Variants in PDE10A observed in about 807,000 individuals in gnomAD.
The protein encoded by PDE10A is cAMP and cAMP-inhibited cGMP 3',5'-cyclic phosphodiesterase 10A.
In PDE10A, 39 loss-of-function variants were observed where a neutral mutation model predicts 97.7. The observed-to-expected ratio is 0.40, with a 90% CI of 0.31 to 0.52. The LOEUF (loss-of-function observed/expected upper bound fraction) is 0.52. Among genes scored for constraint, PDE10A ranks in the 20% least tolerant of loss-of-function variants. The probability of loss-of-function intolerance (pLI) is 0.56; values close to 1 mark genes in which losing one functional copy is unlikely to be tolerated. For synonymous variants in PDE10A, 371 were observed against 376.8 expected (o/e 0.98, Z 0.18); for missense variants, 731 against 1,047.8 (o/e 0.70, Z 4.17).
intron 2 of PDE10A, among the ~76,000 whole-genome samples, chr6:165,506,909 C>T (rs967237139): frequency 1.3e-5 from 2 of 152,094 alleles, no homozygotes; most frequent in South Asian, 2.1e-4. Context: ...GTCTTTGTCC[C>T]GGAAGCACAG....
At chr6:165,490,385 A>C (rs942667981) in intron 2 of PDE10A, among the ~76,000 whole-genome samples, 2 of 152,206 alleles carry the variant, frequency 1.3e-5, no homozygotes, top group African/African-American at 4.8e-5. Context: ...TTTTTCAGAC[A>C]AACAAATGCC....
intron 1 of PDE10A, among the ~76,000 whole-genome samples, chr6:165,640,398 A>C (rs1195718547): frequency 1.3e-5 from 2 of 152,226 alleles, no homozygotes; most frequent in Non-Finnish European, 2.9e-5. Flanking sequence ...TGGTCTGCAA[A>C]GTTTAAAAGT....
intron 1 of PDE10A, among the ~76,000 whole-genome samples, chr6:165,966,896 G>C (rs939009959): frequency 4.0e-5 from 6 of 150,508 alleles, no homozygotes; most frequent in Non-Finnish European, 8.9e-5. Context: ...AAAATAAATA[G>C]ATGAAAAAAT....
chr6:165,555,601 C>A (rs1383090436), intron 1 of PDE10A, among the ~76,000 whole-genome samples: 1 of 152,146 alleles, frequency 6.6e-6, no homozygotes, highest in Non-Finnish European at 1.5e-5. Context: ...ATAATAAAAT[C>A]TCTATTTACC....
chr6:165,915,487 A>G (rs948750756), intron 1 of PDE10A, among the ~76,000 whole-genome samples: 15 of 152,216 alleles, frequency 9.9e-5, no homozygotes, highest in African/African-American at 3.6e-4. Flanking sequence ...GCCACAGTGC[A>G]GCCCACGGTC....
intron 1 of PDE10A, among the ~76,000 whole-genome samples, chr6:165,743,168 G>A (rs909733203): frequency 6.6e-6 from 1 of 152,042 alleles, no homozygotes; most frequent in Non-Finnish European, 1.5e-5. Context: ...TAGGCCTTAG[G>A]GAGGAAGTCC....
chr6:165,626,711 C>T (rs915414319), intron 1 of PDE10A, among the ~76,000 whole-genome samples: 21 of 151,670 alleles, frequency 1.4e-4, no homozygotes, highest in Admixed American at 4.6e-4. Flanking sequence ...TGGTGCGGCT[C>T]ACTTTCACTC....
chr6:165,528,228 G>T (rs1010310946), intron 2 of PDE10A, among the ~76,000 whole-genome samples: 1 of 137,088 alleles, frequency 7.3e-6, no homozygotes, highest in African/African-American at 2.5e-5. Context: ...ATATTTGTAT[G>T]CCACGTGAGT....
At chr6:165,652,497 T>G (rs1789734242) in intron 1 of PDE10A, among the ~76,000 whole-genome samples, 2 of 152,180 alleles carry the variant, frequency 1.3e-5, no homozygotes, top group Non-Finnish European at 2.9e-5. Context: ...TTCAAGCCCT[T>G]TTGGATAACA....
intron 1 of PDE10A, among the ~76,000 whole-genome samples, chr6:165,758,435 G>A (rs1282280446): frequency 2.0e-5 from 3 of 151,718 alleles, no homozygotes; most frequent in African/African-American, 4.8e-5. Flanking sequence ...CACTCCAGCC[G>A]GGGTGACAAA....
At chr6:165,417,664 A>G (rs1007221298) in intron 11 of PDE10A, among the ~76,000 whole-genome samples, 1 of 152,180 alleles carries the variant, frequency 6.6e-6, no homozygotes, top group African/African-American at 2.4e-5. Flanking sequence ...ACAGACAAAA[A>G]AATTTTAAAA....
chr6:165,860,799 C>T (rs973415085), intron 1 of PDE10A, among the ~76,000 whole-genome samples: 16 of 152,206 alleles, frequency 1.1e-4, no homozygotes, highest in African/African-American at 3.9e-4. Flanking sequence ...AGCAAACTCA[C>T]AAAGGAGTCA....
At chr6:165,718,409 CCCAAA>C (rs1364292548) in intron 1 of PDE10A, 88 of 152,254 alleles carry the variant, frequency 5.8e-4, no homozygotes, top group African/African-American at 1.8e-3. Context: ...AACACACTGT[CCCAAA>C]TCCCCAGAAG....
intron 1 of PDE10A, among the ~76,000 whole-genome samples, chr6:165,654,552 T>C (rs1375335859): frequency 6.9e-6 from 1 of 144,018 alleles, no homozygotes; most frequent in Non-Finnish European, 1.5e-5. Context: ...CCATCTCACG[T>C]CCCCACATTC....
intron 13 of PDE10A, among the ~76,000 whole-genome samples, chr6:165,400,473 T>C (rs1406535925): frequency 1.3e-5 from 2 of 152,060 alleles, no homozygotes; most frequent in East Asian, 3.9e-4. Flanking sequence ...ATCCAGAATA[T>C]ATAAAGAGCT....
intron 1 of PDE10A, among the ~76,000 whole-genome samples, chr6:165,691,106 T>TTTCTCTCCC (rs1554305963): frequency 1.3e-4 from 5 of 39,094 alleles, no homozygotes; most frequent in Non-Finnish European, 1.8e-4. Flanking sequence ...TCTTTCTCTC[T>TTTCTCTCCC]CCCCCCCCCC....
chr6:165,446,986 T>C (rs74570870), intron 5 of PDE10A, among the ~76,000 whole-genome samples: 3 of 152,114 alleles, frequency 2.0e-5, no homozygotes, highest in Non-Finnish European at 4.4e-5. Context: ...ATAATTCAAA[T>C]TGATACATAA....
intron 1 of PDE10A, among the ~76,000 whole-genome samples, chr6:165,858,324 A>G (rs1468073061): frequency 3.9e-5 from 6 of 152,150 alleles, no homozygotes; most frequent in Admixed American, 2.0e-4. Context: ...GTTTTGAGGG[A>G]GTGCTCCCGA....
chr6:165,596,035 A>G (rs549283249), intron 1 of PDE10A, among the ~76,000 whole-genome samples: 5 of 152,336 alleles, frequency 3.3e-5, no homozygotes, highest in Non-Finnish European at 7.4e-5. Flanking sequence ...CAAGATCTCA[A>G]AGTATCATTC....
Sources: allele counts gnomAD v4.1 joint callset (sites outside exome capture counted in the v4.1 genomes callset), GRCh38; gene constraint gnomAD v4.1.1; transcripts MANE v1.5; gene names NCBI Gene and HGNC (gene_info 2026-07-23, HGNC 2026-07-21).